Variants in OTOGL observed in about 807,000 individuals in gnomAD.
The protein encoded by OTOGL is otogelin like, also known as otogelin-like protein.
In OTOGL, 285 loss-of-function variants were observed where a neutral mutation model predicts 318.5. That is an observed-to-expected ratio of 0.89 (90% CI 0.81 to 0.99). The LOEUF (loss-of-function observed/expected upper bound fraction) is 0.99. Ranked by LOEUF, OTOGL falls within the 50% of genes least tolerant of loss-of-function variation. The pLI, the probability that OTOGL is intolerant of heterozygous loss-of-function variation, is 0.00. For synonymous variants in OTOGL, 987 were observed against 936.5 expected (o/e 1.05, Z -0.99); for missense variants, 2,899 against 2,845.6 (o/e 1.02, Z -0.43).
At chr12:80,103,364 T>C (rs1430004236) in intron 1 of OTOGL, 2 of 1,058,686 alleles carry the variant, frequency 1.9e-6, no homozygotes, top group African/African-American at 1.6e-5. Flanking sequence ...TGATCGATCT[T>C]CTTTTCTTTT....
intron 9 of OTOGL, among the ~76,000 whole-genome samples, chr12:80,238,164 C>T (rs919776563): frequency 3.9e-5 from 6 of 152,130 alleles, no homozygotes; most frequent in African/African-American, 1.4e-4. Context: ...TTTGTTGTTG[C>T]CCACACATTA....
chr12:80,259,897 C>T (rs1415434550), intron 18 of OTOGL, among the ~76,000 whole-genome samples: 1 of 152,092 alleles, frequency 6.6e-6, no homozygotes, highest in Non-Finnish European at 1.5e-5. Flanking sequence ...CCTCATCTTT[C>T]TTGTGACCTC....
chr12:80,182,192 C>T (rs991161358), intron 1 of OTOGL, among the ~76,000 whole-genome samples: 4 of 152,012 alleles, frequency 2.6e-5, no homozygotes, highest in African/African-American at 7.2e-5. Context: ...ATTAAAGAGA[C>T]GTATACTTTA....
At chr12:80,143,938 A>G (rs1163042018) in intron 1 of OTOGL, among the ~76,000 whole-genome samples, 1 of 152,128 alleles carries the variant, frequency 6.6e-6, no homozygotes, top group African/African-American at 2.4e-5. Flanking sequence ...ATGGTATTCT[A>G]AAAGGGACTA....
intron 27 of OTOGL, among the ~76,000 whole-genome samples, chr12:80,298,012 C>T (rs1885524945): frequency 6.6e-6 from 1 of 152,138 alleles, no homozygotes; most frequent in Admixed American, 6.6e-5. Flanking sequence ...TTATTGTATC[C>T]TTGGAGCCTG....
chr12:80,131,662 TAAC>T (rs1461966355), intron 1 of OTOGL: 4 of 152,188 alleles, frequency 2.6e-5, no homozygotes, highest in Non-Finnish European at 4.4e-5. Flanking sequence ...ATAATGATAA[TAAC>T]AACAAATGGC....
chr12:80,223,642 A>G (rs1348858879), intron 7 of OTOGL, among the ~76,000 whole-genome samples: 1 of 152,052 alleles, frequency 6.6e-6, no homozygotes, highest in Non-Finnish European at 1.5e-5. Flanking sequence ...ATAAAGTGGT[A>G]TTGTATTGTG....
At chr12:80,247,411 T>C (rs1881012932) in intron 11 of OTOGL, among the ~76,000 whole-genome samples, 1 of 105,350 alleles carries the variant, frequency 9.5e-6, no homozygotes, top group African/African-American at 4.8e-5. Flanking sequence ...CTGCCTTCAT[T>C]TCGTTATGTA....
At chr12:80,287,724 C>T (rs1310860492) in intron 26 of OTOGL, among the ~76,000 whole-genome samples, 1 of 150,614 alleles carries the variant, frequency 6.6e-6, no homozygotes, top group Non-Finnish European at 1.5e-5. Flanking sequence ...ACAACTTCTG[C>T]TTTTTTTTTG....
At chr12:80,147,670 T>C (rs945097472) in intron 1 of OTOGL, among the ~76,000 whole-genome samples, 11 of 152,108 alleles carry the variant, frequency 7.2e-5, no homozygotes, top group African/African-American at 2.4e-4. Context: ...AAGTCTCCCA[T>C]TGTTAATGTG....
chr12:80,309,151 T>C (rs542556196), intron 29 of OTOGL, among the ~76,000 whole-genome samples: 84 of 152,362 alleles, frequency 5.5e-4, no homozygotes, highest in African/African-American at 1.9e-3. Context: ...TAATTTTTAT[T>C]TAGCACTTAA....
At chr12:80,243,041 TTTAA>T (rs1442674962) in intron 11 of OTOGL, among the ~76,000 whole-genome samples, 3 of 152,116 alleles carry the variant, frequency 2.0e-5, no homozygotes, top group African/African-American at 7.2e-5. Context: ...TTTTTTGCTC[TTTAA>T]TTGTTTATTA....
chr12:80,253,577 A>G lies in OTOGL; in HGVS notation c.1394+3A>G, dbSNP rs1365556285. On this transcript the variant is annotated splice_donor_region_variant and intron_variant, in intron 14 of 58. Transcript: ENST00000547103. Reference sequence around the variant, plus strand: ...ATTGAACAAGAATGTACTGAATGGTATGTGATCAGTGTGCAGCCAATTATT... The same window carrying G: ...ATTGAACAAGAATGTACTGAATGGTGTGTGATCAGTGTGCAGCCAATTATT... 1 of 1,594,596 alleles carries G rather than the reference A, an allele frequency of 6.3e-7. No homozygotes were observed. The highest frequency in any genetic ancestry group is 1.1e-5 in the South Asian group (1 of 90,636).
chr12:80,318,478 T>A (rs1887111161), intron 32 of OTOGL, 68 bp from the exon 33 acceptor site: 4 of 1,082,524 alleles, frequency 3.7e-6, no homozygotes, highest in Non-Finnish European at 4.8e-6. Context: ...AAACATTTCT[T>A]TGAAATGACA....
chr12:80,283,330 T>C (rs545834212), intron 26 of OTOGL, among the ~76,000 whole-genome samples: 1 of 152,088 alleles, frequency 6.6e-6, no homozygotes, highest in East Asian at 1.9e-4. Flanking sequence ...CTCCAGTCTT[T>C]CCAAGGGTTC....
intron 4 of OTOGL, among the ~76,000 whole-genome samples, chr12:80,213,582 T>A (rs986324325): frequency 6.6e-6 from 1 of 152,200 alleles, no homozygotes; most frequent in Non-Finnish European, 1.5e-5. Context: ...GTCTATGGAA[T>A]GGAAATACAT....
At chr12:80,371,437 A>T (rs923229692) in intron 56 of OTOGL, among the ~76,000 whole-genome samples, 1 of 152,038 alleles carries the variant, frequency 6.6e-6, no homozygotes. Context: ...TCTGGAAAAA[A>T]CTTGGGCATC....
At position 80,279,007 on chromosome 12, in the gene OTOGL, A is replaced by T. The variant is rs1884011447; in HGVS notation, c.2790-21A>T. On this transcript the variant is annotated intron_variant, in intron 25 of 58. Transcript: ENST00000547103. ...TTAGAGTCGTTTCTTTAGAAAGGTA[A>T]CTTTTGTTATTTTTTAATAGCGTTT... is the stretch of plus-strand genomic sequence containing the variant. The T allele has an allele frequency of 6.9e-6, 11 of 1,585,110 alleles. No homozygotes were observed. The Admixed American group carries it at 1.5e-4, about 22-fold the overall frequency.
chr12:80,294,788 A>G (rs1396654244), intron 26 of OTOGL, among the ~76,000 whole-genome samples: 1 of 152,218 alleles, frequency 6.6e-6, no homozygotes, highest in Non-Finnish European at 1.5e-5. Flanking sequence ...AAGAATTTAC[A>G]TCAAGACCTC....
Sources: allele counts gnomAD v4.1 joint callset (sites outside exome capture counted in the v4.1 genomes callset), GRCh38; gene constraint gnomAD v4.1.1; transcripts MANE v1.5; gene names NCBI Gene and HGNC (gene_info 2026-07-23, HGNC 2026-07-21).